ADAM12: variants seen among roughly 807,000 people sequenced by gnomAD.
ADAM12 encodes disintegrin and metalloproteinase domain-containing protein 12.
Under a neutral mutation model 106.4 loss-of-function variants are expected in ADAM12, and 70 were observed. The observed-to-expected ratio is 0.66, with a 90% CI of 0.54 to 0.80. The LOEUF (loss-of-function observed/expected upper bound fraction) is 0.80, where lower values mean the gene tolerates loss of function less well. ADAM12 is among the 30% of genes least tolerant of loss of function. ADAM12 has a pLI of 0.00. For missense variants in ADAM12, 1,010 were observed against 1,171.9 expected (o/e 0.86, Z 2.02); for synonymous variants, 420 against 433.5 (o/e 0.97, Z 0.39).
rs201814448 is a variant in ADAM12 at position 126,101,060 on chromosome 10, G to A, written c.911+12C>T. On this transcript the variant is annotated intron_variant, in intron 9 of 22. Coordinates refer to ENST00000448723, the MANE Select transcript of ADAM12 (RefSeq NM_001288973.2). Reference sequence around the variant, plus strand: ...CCTTTTTTTTTTAAGCAGACAAGACGTAACTCCCTACCTGACAAGCTGCGC... The same window carrying A: ...CCTTTTTTTTTTAAGCAGACAAGACATAACTCCCTACCTGACAAGCTGCGC... 2.6e-4 allele frequency: 426 copies of A among 1,612,434 alleles called. 2 individuals are homozygous for A. The South Asian group carries it at 4.2e-3, about 16-fold the overall frequency.
chr10:126,165,321 T>C (rs913522918), intron 3 of ADAM12, among the ~76,000 whole-genome samples: 3 of 152,126 alleles, frequency 2.0e-5, no homozygotes, highest in African/African-American at 7.2e-5. Flanking sequence ...GCACACACCA[T>C]TACGCCTGGT....
In ADAM12 at chr10:126,051,535, A is replaced by AG. The variant is rs1217647790; in HGVS notation, c.1610-1867_1610-1866insC. Among the ~76,000 whole-genome samples, 985 of 131,238 alleles carry AG rather than the reference A, an allele frequency of 7.5e-3. 1 individual carries two copies. Among genetic ancestry groups the AG allele is most frequent in the Non-Finnish European group, 0.01 (636 of 62,562 alleles). The allele number at this position is 131,238 out of a possible 152,430, so 86.1% of individuals were successfully genotyped here. A position where few individuals can be genotyped will look rare whatever the true frequency, so the allele number is the denominator to read the frequency against. On this transcript the variant is annotated intron_variant, in intron 14 of 22. Coordinates refer to ENST00000448723, the MANE Select transcript of ADAM12 (RefSeq NM_001288973.2). ...CATCCATCCATCCAGCCAGCCAGCC[A>AG]CCCATCCATCCATCCATCCATCCAT...
At chr10:126,142,992 G>A (rs1956543748) in intron 4 of ADAM12, among the ~76,000 whole-genome samples, 1 of 151,744 alleles carries the variant, frequency 6.6e-6, no homozygotes, top group Non-Finnish European at 1.5e-5. Flanking sequence ...ATATATGCAT[G>A]TGTGTATATT....
chr10:126,211,374 T>C (rs1482073612), intron 3 of ADAM12, among the ~76,000 whole-genome samples: 1 of 152,234 alleles, frequency 6.6e-6, no homozygotes, highest in Non-Finnish European at 1.5e-5. Flanking sequence ...GTGCTTCACT[T>C]AAGTTCTTCT....
rs141497974 is a variant in ADAM12 at position 126,150,487 on chromosome 10, G to T, written c.339+4740C>A. 1.5e-3 allele frequency among the ~76,000 whole-genome samples: 222 copies of T among 152,158 alleles called. 1 individual carries two copies. In the East Asian group the frequency reaches 0.037, roughly 25 times the overall value. ...CTCCTCTGCCTTCCAACCAACAACT[G>T]CTCCTTAATGGTACCACTGAGAAAC... On this transcript the variant is annotated intron_variant, in intron 4 of 22. Transcript: ENST00000448723.
chr10:126,155,112 G>C (rs1330464011), intron 4 of ADAM12, 115 bp downstream of exon 4: 2 of 1,142,252 alleles, frequency 1.8e-6, no homozygotes, highest in Non-Finnish European at 2.6e-6. Context: ...CGCTTCTTGG[G>C]GGGGCCTAAG....
intron 2 of ADAM12, among the ~76,000 whole-genome samples, chr10:126,327,584 G>A (rs1304650931): frequency 1.3e-5 from 2 of 151,914 alleles, no homozygotes; most frequent in Non-Finnish European, 2.9e-5. Flanking sequence ...AAGGAGGCCT[G>A]TCTCCTACCC....
At chr10:126,264,317 T>C (rs1959057651) in intron 3 of ADAM12, among the ~76,000 whole-genome samples, 1 of 152,188 alleles carries the variant, frequency 6.6e-6, no homozygotes, top group Admixed American at 6.5e-5. Flanking sequence ...AACAAAATCC[T>C]CTAGGCCAGT....
rs111313203 is a variant in ADAM12 at position 126,077,629 on chromosome 10, A to C, written c.1146-5975T>G. The stretch of plus-strand genomic sequence containing the variant: ...TCTAATCTTTGACAAAAATTGACAA[A>C]AATAAACAATGGTGAAAGGACTCCC... On this transcript the variant is annotated intron_variant, in intron 11 of 22. Coordinates refer to ENST00000448723, the MANE Select transcript of ADAM12 (RefSeq NM_001288973.2). 2.5e-4 allele frequency among the ~76,000 whole-genome samples: 38 copies of C among 152,318 alleles called. 1 individual carries two copies. Among genetic ancestry groups the C allele is most frequent in the African/African-American group, 8.9e-4 (37 of 41,564 alleles).
At chr10:126,137,035 T>C (rs538354885) in intron 4 of ADAM12, among the ~76,000 whole-genome samples, 17 of 152,292 alleles carry the variant, frequency 1.1e-4, no homozygotes, top group Admixed American at 1.1e-3. Context: ...GGGTCACAAA[T>C]ATGTTCTTCT....
chr10:126,266,414 G>A (rs372748572), intron 3 of ADAM12, among the ~76,000 whole-genome samples: 67 of 152,312 alleles, frequency 4.4e-4, no homozygotes, highest in African/African-American at 1.6e-3. Context: ...GCAGTCACAG[G>A]AAGCTGCTTG....
intron 3 of ADAM12, among the ~76,000 whole-genome samples, chr10:126,267,104 A>G (rs1329081031): frequency 1.3e-5 from 2 of 152,174 alleles, no homozygotes; most frequent in African/African-American, 4.8e-5. Context: ...TCCAAATCCA[A>G]ATCCTAACAC....
chr10:126,122,649 T>G (rs1956135648), intron 5 of ADAM12, among the ~76,000 whole-genome samples: 1 of 152,072 alleles, frequency 6.6e-6, no homozygotes, highest in Non-Finnish European at 1.5e-5. Context: ...TAGTCCCAGC[T>G]ACTTGGGAGG....
chr10:126,242,980 T>C (rs1362566828), intron 3 of ADAM12, among the ~76,000 whole-genome samples: 1 of 152,206 alleles, frequency 6.6e-6, no homozygotes, highest in Non-Finnish European at 1.5e-5. Context: ...ACAAGAGACA[T>C]GTGAATACAA....
At chr10:126,062,378 A>G (rs930005261) in intron 14 of ADAM12, among the ~76,000 whole-genome samples, 1 of 152,090 alleles carries the variant, frequency 6.6e-6, no homozygotes, top group Non-Finnish European at 1.5e-5. Context: ...GCTCCCAGGG[A>G]AGCCCCCTCC....
At chr10:126,292,459 A>G (rs575586181) in intron 2 of ADAM12, among the ~76,000 whole-genome samples, 112 of 152,076 alleles carry the variant, frequency 7.4e-4, no homozygotes, top group African/African-American at 2.5e-3. Context: ...AGTCCTGTAT[A>G]TTGTTCCCTG....
Position 126,278,890 on chromosome 10 carries a change from A to C in ADAM12, c.260+25T>G, listed in dbSNP as rs755970392. ...CATGGTGTCTTAACTTTCTCCTATC[A>C]TGCAATAAACAAGAATTAACTTACT... is the stretch of plus-strand genomic sequence containing the variant. On this transcript the variant is annotated intron_variant, in intron 3 of 22. Coordinates refer to ENST00000448723, the MANE Select transcript of ADAM12 (RefSeq NM_001288973.2). The C allele has an allele frequency of 3.2e-6, 5 of 1,558,206 alleles. No individual in the cohort carries two copies. The South Asian group carries it at 4.6e-5, about 14-fold the overall frequency.
intron 1 of ADAM12, among the ~76,000 whole-genome samples, chr10:126,348,842 C>A (rs1389994939): frequency 6.6e-6 from 1 of 152,124 alleles, no homozygotes; most frequent in Non-Finnish European, 1.5e-5. Context: ...ATGAATAATT[C>A]TTTAGGATAA....
chr10:126,098,417 A>G lies in ADAM12; in HGVS notation c.995T>C (p.Met332Thr). 1 of 1,613,802 alleles carries G rather than the reference A, an allele frequency of 6.2e-7. No individual in the cohort carries two copies. The highest frequency in any genetic ancestry group is 2.2e-5 in the East Asian group (1 of 44,868). ...CAGCTCCCAATGCCCTTGGCTTACC[A>G]TGACAATTCCCCCAGACTGGTCTGC... The part of the protein sequence containing the change: ...CTADQSGGIV[M>T]DHSDNPLGAA... Residue 332 changes from methionine to threonine, a missense_variant and splice_region_variant, in exon 10 of 23, where the codon ATG becomes ACG. Coordinates refer to ENST00000448723, the MANE Select transcript of ADAM12 (RefSeq NM_001288973.2).
Sources: gnomAD v4.1 joint callset for allele counts (sites outside exome capture counted in the v4.1 genomes callset) on GRCh38, gnomAD v4.1.1 for gene constraint, MANE v1.5 for transcripts, NCBI Gene and HGNC (gene_info 2026-07-23, HGNC 2026-07-21) for gene names.